TMTC1: variants seen among roughly 807,000 people sequenced by gnomAD.
The protein encoded by TMTC1 is protein O-mannosyl-transferase TMTC1.
A neutral mutation model predicts 104.8 loss-of-function variants in TMTC1; 73 were observed. That is an observed-to-expected ratio of 0.70 (90% CI 0.58 to 0.85). TMTC1 has a LOEUF of 0.85. TMTC1 is among the 40% of genes least tolerant of loss of function. TMTC1 has a pLI of 0.00. For missense variants in TMTC1, 1,035 were observed against 1,096.1 expected (o/e 0.94, Z 0.79); for synonymous variants, 434 against 428.7 (o/e 1.01, Z -0.15).
At chr12:29,762,807 A>G (rs917676785) in intron 2 of TMTC1, among the ~76,000 whole-genome samples, 3 of 152,234 alleles carry the variant, frequency 2.0e-5, no homozygotes, top group Admixed American at 1.3e-4. Flanking sequence ...TGTCGCCACA[A>G]TGTCAAGGTT....
chr12:29,537,029 G>A, intron 10 of TMTC1, among the ~76,000 whole-genome samples: 1 of 152,132 alleles, frequency 6.6e-6, no homozygotes, highest in East Asian at 1.9e-4. Context: ...TCTCTTTCCT[G>A]TTAAATCCAA....
intron 1 of TMTC1, among the ~76,000 whole-genome samples, chr12:29,780,710 A>G (rs936737130): frequency 1.3e-5 from 2 of 152,208 alleles, no homozygotes; most frequent in Admixed American, 1.3e-4. Flanking sequence ...AATGCTGTAG[A>G]TTGCATCAAT....
intron 5 of TMTC1, among the ~76,000 whole-genome samples, chr12:29,742,065 C>T (rs1942841316): frequency 6.6e-6 from 1 of 151,910 alleles, no homozygotes; most frequent in Non-Finnish European, 1.5e-5. Context: ...GGAAAAATTA[C>T]TTAAGGAAGC....
chr12:29,641,623 C>T (rs59210078), intron 5 of TMTC1, among the ~76,000 whole-genome samples: 6,274 of 152,196 alleles, frequency 0.041, 171 homozygotes, highest in Admixed American at 0.066. Flanking sequence ...CCTCTGACAG[C>T]ACCTACCCAA....
At chr12:29,550,316 G>C (rs907076674) in intron 10 of TMTC1, among the ~76,000 whole-genome samples, 5 of 152,110 alleles carry the variant, frequency 3.3e-5, no homozygotes, top group African/African-American at 1.2e-4. Context: ...ATTAGAGATA[G>C]GGTTATAAAT....
chr12:29,550,382 C>T (rs759785004), intron 10 of TMTC1, among the ~76,000 whole-genome samples: 10 of 152,100 alleles, frequency 6.6e-5, no homozygotes, highest in South Asian at 6.3e-4. Context: ...AGTGCAGGGC[C>T]GGCAGGAAAG....
chr12:29,608,479 A>G (rs1592315666), intron 6 of TMTC1, among the ~76,000 whole-genome samples: 1 of 152,238 alleles, frequency 6.6e-6, no homozygotes, highest in South Asian at 2.1e-4. Flanking sequence ...AGCTAATAAC[A>G]CAGCCATTAT....
intron 5 of TMTC1, among the ~76,000 whole-genome samples, chr12:29,698,808 C>A (rs1941498894): frequency 6.6e-6 from 1 of 152,122 alleles, no homozygotes; most frequent in Non-Finnish European, 1.5e-5. Flanking sequence ...TGTTACAGAT[C>A]CCTGGAGCCC....
At chr12:29,584,057 A>AAC (rs1479855189) in intron 7 of TMTC1, among the ~76,000 whole-genome samples, 7 of 152,176 alleles carry the variant, frequency 4.6e-5, no homozygotes, top group Non-Finnish European at 1.0e-4. Context: ...CTGGTCACCA[A>AAC]GGAGGACTGT....
At position 29,526,870 on chromosome 12, in the gene TMTC1, T is replaced by G. The variant is rs529283205; in HGVS notation, c.1786-6150A>C. On this transcript the variant is annotated intron_variant, in intron 11 of 17. Coordinates refer to ENST00000539277, the MANE Select transcript of TMTC1 (RefSeq NM_001193451.2). ...ATGATGGATAACATACCAAGACATA[T>G]CAGAATTTTAGGAATCTCATAATTT... is the stretch of plus-strand genomic sequence containing the variant. Among the ~76,000 whole-genome samples the G allele has an allele frequency of 1.2e-4, 19 of 152,276 alleles. 2 individuals are homozygous for G. The highest frequency in any genetic ancestry group is 4.6e-4 in the African/African-American group (19 of 41,568).
intron 8 of TMTC1, among the ~76,000 whole-genome samples, chr12:29,573,711 A>G (rs1945743607): frequency 6.6e-6 from 1 of 152,202 alleles, no homozygotes; most frequent in Non-Finnish European, 1.5e-5. Context: ...AGAGGACCCC[A>G]AGAAAACAGA....
intron 5 of TMTC1, among the ~76,000 whole-genome samples, chr12:29,699,909 C>T (rs7978346): frequency 0.26 from 39,358 of 151,610 alleles, 6,094 homozygotes; most frequent in African/African-American, 0.43. Context: ...CCCAAAATGC[C>T]GGGATTACAG....
intron 5 of TMTC1, among the ~76,000 whole-genome samples, chr12:29,694,029 C>T (rs1390434990): frequency 2.0e-5 from 3 of 152,138 alleles, no homozygotes; most frequent in Non-Finnish European, 2.9e-5. Flanking sequence ...TACATAAATG[C>T]TTTCAATTGA....
intron 5 of TMTC1, among the ~76,000 whole-genome samples, chr12:29,679,381 T>C (rs553309214): frequency 5.9e-4 from 90 of 152,262 alleles, no homozygotes; most frequent in African/African-American, 2.1e-3. Flanking sequence ...AATACTTCTA[T>C]AGTCAGAACA....
intron 5 of TMTC1, among the ~76,000 whole-genome samples, chr12:29,742,326 T>A (rs1328340021): frequency 2.0e-5 from 3 of 152,210 alleles, no homozygotes; most frequent in Non-Finnish European, 4.4e-5. Context: ...AGTCTATACT[T>A]ATGTTTATTT....
chr12:29,547,471 A>C lies in TMTC1; in HGVS notation c.1676+9386T>G, dbSNP rs780370096. Among the ~76,000 whole-genome samples the C allele has an allele frequency of 3.3e-5, 5 of 152,348 alleles. No homozygotes were observed. The South Asian group carries it at 6.2e-4, about 19-fold the overall frequency. The stretch of plus-strand genomic sequence containing the variant: ...TCTGTTTACATACAAACAACTGCCA[A>C]ATCTTGAGTAAGTACATAGACATTC... On this transcript the variant is annotated intron_variant, in intron 10 of 17. Transcript: ENST00000539277.
intron 6 of TMTC1, among the ~76,000 whole-genome samples, chr12:29,620,026 C>G (rs1947089829): frequency 6.6e-6 from 1 of 152,164 alleles, no homozygotes; most frequent in South Asian, 2.1e-4. Flanking sequence ...CATGCCTGGA[C>G]TTTGAAATAC....
chr12:29,570,803 C>T (rs1350287020), intron 9 of TMTC1, among the ~76,000 whole-genome samples: 1 of 149,782 alleles, frequency 6.7e-6, no homozygotes, highest in Admixed American at 6.7e-5. Context: ...AAGATCGTGC[C>T]ACTGCACTCC....
chr12:29,765,121 CTAG>C (rs1409627101), intron 2 of TMTC1, among the ~76,000 whole-genome samples: 1 of 152,080 alleles, frequency 6.6e-6, no homozygotes, highest in Non-Finnish European at 1.5e-5. Flanking sequence ...TTCTATATGT[CTAG>C]TAGTAGTAGT....
Sources: gnomAD v4.1 joint callset for allele counts (sites outside exome capture counted in the v4.1 genomes callset) on GRCh38, gnomAD v4.1.1 for gene constraint, MANE v1.5 for transcripts, NCBI Gene and HGNC (gene_info 2026-07-23, HGNC 2026-07-21) for gene names.